The following CFAP299 variants were observed in gnomAD, a reference collection of about 807,000 sequenced individuals.
CFAP299 encodes the protein cilia and flagella associated protein 299, also known as cilia- and flagella-associated protein 299.
In CFAP299, 21 loss-of-function variants were observed where a neutral mutation model predicts 27.0. That is an observed-to-expected ratio of 0.78 (90% CI 0.55 to 1.12). The LOEUF (loss-of-function observed/expected upper bound fraction) is 1.12, where lower values mean the gene tolerates loss of function less well. Ranked by LOEUF, CFAP299 falls within the 50% of genes most tolerant of loss-of-function variation. CFAP299 has a pLI of 0.00. For synonymous variants in CFAP299, 104 were observed against 98.1 expected (o/e 1.06, Z -0.36); for missense variants, 310 against 276.6 (o/e 1.12, Z -0.86).
chr4:80,905,278 A>G (rs185052859), intron 4 of CFAP299, among the ~76,000 whole-genome samples: 1 of 152,324 alleles, frequency 6.6e-6, no homozygotes, highest in East Asian at 1.9e-4. Context: ...GTTAATGGTC[A>G]ATATGTTTGA....
intron 3 of CFAP299, among the ~76,000 whole-genome samples, chr4:80,637,655 A>C (rs1346560811): frequency 1.3e-5 from 2 of 152,228 alleles, no homozygotes; most frequent in African/African-American, 4.8e-5. Context: ...TACAAGGTTG[A>C]CATGAAAGAT....
At chr4:80,382,591 A>G (rs2110021150) in intron 2 of CFAP299, among the ~76,000 whole-genome samples, 1 of 152,346 alleles carries the variant, frequency 6.6e-6, no homozygotes, top group Non-Finnish European at 1.5e-5. Context: ...AAAAAGGCTC[A>G]TATCACTAAT....
intron 3 of CFAP299, among the ~76,000 whole-genome samples, chr4:80,724,681 C>T (rs183891614): frequency 2.0e-4 from 30 of 152,042 alleles, no homozygotes; most frequent in African/African-American, 6.7e-4. Flanking sequence ...TTCCTGCACC[C>T]TCGGAAAGTC....
At chr4:80,525,539 C>A (rs1480770620) in intron 2 of CFAP299, among the ~76,000 whole-genome samples, 1 of 152,112 alleles carries the variant, frequency 6.6e-6, no homozygotes, top group Admixed American at 6.6e-5. Flanking sequence ...AAAATATGTT[C>A]ATTTCCCACT....
intron 3 of CFAP299, among the ~76,000 whole-genome samples, chr4:80,746,549 C>T (rs978731340): frequency 9.2e-5 from 14 of 151,998 alleles, no homozygotes; most frequent in African/African-American, 3.4e-4. Flanking sequence ...TTGGAGCAGT[C>T]TCTCCTAGTT....
chr4:80,805,233 AAAT>A (rs1728803793), intron 3 of CFAP299, among the ~76,000 whole-genome samples: 1 of 152,080 alleles, frequency 6.6e-6, no homozygotes, highest in Non-Finnish European at 1.5e-5. Context: ...AATCTATTAT[AAAT>A]AATATTGAGA....
At chr4:80,661,200 C>T (rs1472972033) in intron 3 of CFAP299, among the ~76,000 whole-genome samples, 1 of 151,836 alleles carries the variant, frequency 6.6e-6, no homozygotes, top group East Asian at 1.9e-4. Context: ...GTTGCGTGCT[C>T]CTGTTGTCCC....
the CFAP299 span, among the ~76,000 whole-genome samples, chr4:80,329,743 T>C: frequency 2.0e-5 from 3 of 152,254 alleles, no homozygotes; most frequent in African/African-American, 7.2e-5. Flanking sequence ...ATTATTACCA[T>C]GGCTGCAGAA....
intron 2 of CFAP299, among the ~76,000 whole-genome samples, chr4:80,435,674 G>T (rs1259350900): frequency 1.3e-5 from 2 of 152,172 alleles, no homozygotes; most frequent in Non-Finnish European, 2.9e-5. Context: ...TGAGCAAAGG[G>T]CTTTGAATTA....
the CFAP299 span, among the ~76,000 whole-genome samples, chr4:80,324,726 T>C: frequency 6.6e-6 from 1 of 152,220 alleles, no homozygotes; most frequent in South Asian, 2.1e-4. Context: ...ATCAACAATC[T>C]TTTTTAACAA....
In CFAP299 at chr4:80,640,019, A is replaced by G. The variant is rs572372749; in HGVS notation, c.333+56836A>G. ...ATGGAGTTTCAGTTTATGATGGTGA[A>G]AAAGTTCTGGAGATGGGTGGTGTTG... On this transcript the variant is annotated intron_variant, in intron 3 of 5. Coordinates refer to ENST00000358105, the MANE Select transcript of CFAP299 (RefSeq NM_152770.3). 2.2e-4 allele frequency among the ~76,000 whole-genome samples: 33 copies of G among 152,252 alleles called. 1 individual carries two copies. The South Asian group carries it at 6.2e-3, about 29-fold the overall frequency.
chr4:80,652,724 C>T (rs1740366870), intron 3 of CFAP299, among the ~76,000 whole-genome samples: 1 of 151,978 alleles, frequency 6.6e-6, no homozygotes, highest in African/African-American at 2.4e-5. Flanking sequence ...CTTCTCATGT[C>T]TCTGTGCTGC....
intron 1 of CFAP299, among the ~76,000 whole-genome samples, chr4:80,339,941 G>A (rs1244276084): frequency 1.3e-5 from 2 of 152,174 alleles, no homozygotes; most frequent in Non-Finnish European, 2.9e-5. Context: ...CTAATGGATA[G>A]CAGTAATGGC....
chr4:80,446,726 T>A (rs1459512904), intron 2 of CFAP299, among the ~76,000 whole-genome samples: 1 of 152,172 alleles, frequency 6.6e-6, no homozygotes, highest in Admixed American at 6.5e-5. Context: ...ACCAACTCTA[T>A]TACATTTCTC....
chr4:80,953,163 G>T (rs1313597111), intron 5 of CFAP299, among the ~76,000 whole-genome samples: 1 of 152,154 alleles, frequency 6.6e-6, no homozygotes, highest in East Asian at 1.9e-4. Flanking sequence ...TCTGCAAACT[G>T]CACTACAAGA....
chr4:80,900,670 C>T (rs1734842697), intron 4 of CFAP299, among the ~76,000 whole-genome samples: 1 of 151,632 alleles, frequency 6.6e-6, no homozygotes, highest in Non-Finnish European at 1.5e-5. Flanking sequence ...TAATAAGAAG[C>T]AAAGTTTGAT....
chr4:80,606,114 G>T (rs191598355), intron 3 of CFAP299, among the ~76,000 whole-genome samples: 1 of 152,272 alleles, frequency 6.6e-6, no homozygotes, highest in Admixed American at 6.5e-5. Flanking sequence ...AAAGGTGTGG[G>T]CAAACAAGTC....
At chr4:80,807,214 G>C (rs773950454) in intron 3 of CFAP299, among the ~76,000 whole-genome samples, 1 of 151,956 alleles carries the variant, frequency 6.6e-6, no homozygotes, top group Non-Finnish European at 1.5e-5. Context: ...GTATAATAAG[G>C]GTGATAAATA....
intron 3 of CFAP299, among the ~76,000 whole-genome samples, chr4:80,685,821 G>C (rs1014469407): frequency 6.6e-6 from 1 of 151,914 alleles, no homozygotes; most frequent in Non-Finnish European, 1.5e-5. Context: ...CTTTTTGAAG[G>C]TCCCCATGGA....
Sources: allele counts gnomAD v4.1 joint callset (sites outside exome capture counted in the v4.1 genomes callset), GRCh38; gene constraint gnomAD v4.1.1; transcripts MANE v1.5; gene names NCBI Gene and HGNC (gene_info 2026-07-23, HGNC 2026-07-21).